RIMS2: variants seen among roughly 807,000 people sequenced by gnomAD.
RIMS2 encodes the protein regulating synaptic membrane exocytosis protein 2.
In RIMS2, 59 loss-of-function variants were observed where a neutral mutation model predicts 174.4. The observed-to-expected ratio is 0.34, with a 90% CI of 0.27 to 0.42. RIMS2 has a LOEUF of 0.42. Ranked by LOEUF, RIMS2 falls within the 10% of genes least tolerant of loss-of-function variation. RIMS2 has a pLI of 1.00. For synonymous variants in RIMS2, 606 were observed against 572.5 expected (o/e 1.06, Z -0.84); for missense variants, 1,620 against 1,666.3 (o/e 0.97, Z 0.48).
intron 19 of RIMS2, among the ~76,000 whole-genome samples, chr8:104,172,982 T>C (rs1464506071): frequency 6.6e-6 from 1 of 152,206 alleles, no homozygotes; most frequent in Non-Finnish European, 1.5e-5. Context: ...GGCTCCATTG[T>C]TGTGAAAGAG....
intron 1 of RIMS2, among the ~76,000 whole-genome samples, chr8:103,562,095 G>C (rs545476862): frequency 6.6e-6 from 1 of 152,162 alleles, no homozygotes; most frequent in Non-Finnish European, 1.5e-5. Context: ...TGAGATTTGG[G>C]TGAGGAAACA....
intron 19 of RIMS2, among the ~76,000 whole-genome samples, chr8:104,145,577 G>C (rs2098629608): frequency 6.6e-6 from 1 of 151,576 alleles, no homozygotes; most frequent in African/African-American, 2.4e-5. Flanking sequence ...TGTAATCCCA[G>C]CTCTTTGGGA....
At chr8:104,099,990 T>C (rs888417288) in intron 19 of RIMS2, among the ~76,000 whole-genome samples, 2 of 151,858 alleles carry the variant, frequency 1.3e-5, no homozygotes, top group Admixed American at 6.6e-5. Flanking sequence ...GCTAATTTTT[T>C]AAAAATTTTT....
At chr8:103,632,264 T>C (rs1030356646) in intron 1 of RIMS2, among the ~76,000 whole-genome samples, 15 of 152,338 alleles carry the variant, frequency 9.8e-5, no homozygotes, top group African/African-American at 3.6e-4. Flanking sequence ...TGTGGGTTTG[T>C]CATAGATGAC....
intron 19 of RIMS2, among the ~76,000 whole-genome samples, chr8:104,088,704 G>C (rs1224751375): frequency 6.6e-6 from 1 of 152,008 alleles, no homozygotes; most frequent in Non-Finnish European, 1.5e-5. Flanking sequence ...CAAACAACCA[G>C]AGTTCTTGAG....
intron 16 of RIMS2, chr8:103,977,508 A>G (rs2093552772): frequency 6.6e-6 from 1 of 152,230 alleles, no homozygotes; most frequent in Admixed American, 6.5e-5. Flanking sequence ...TCTACTCAAC[A>G]CAGAACACCT....
intron 1 of RIMS2, among the ~76,000 whole-genome samples, chr8:103,678,093 CTT>C (rs2096837657): frequency 6.6e-6 from 1 of 152,164 alleles, no homozygotes; most frequent in Non-Finnish European, 1.5e-5. Context: ...GTAGGCTAAA[CTT>C]AATTTAATAG....
chr8:104,215,726 C>T (rs1042426184), intron 19 of RIMS2, among the ~76,000 whole-genome samples: 3 of 152,160 alleles, frequency 2.0e-5, no homozygotes, highest in Non-Finnish European at 4.4e-5. Context: ...ATGAATTTAT[C>T]ACAAAGCTGG....
chr8:103,803,723 T>A (rs1046392390), intron 3 of RIMS2, among the ~76,000 whole-genome samples: 3 of 152,226 alleles, frequency 2.0e-5, no homozygotes, highest in Non-Finnish European at 4.4e-5. Flanking sequence ...ATTCTTCTGC[T>A]GGTTTAGAAG....
At chr8:103,622,116 G>A (rs527594698) in intron 1 of RIMS2, among the ~76,000 whole-genome samples, 2 of 152,138 alleles carry the variant, frequency 1.3e-5, no homozygotes, top group Admixed American at 6.5e-5. Flanking sequence ...AAAGAATAAG[G>A]TTATTACCCT....
At chr8:104,223,057 C>A (rs1168779928) in intron 19 of RIMS2, among the ~76,000 whole-genome samples, 3 of 152,160 alleles carry the variant, frequency 2.0e-5, no homozygotes, top group South Asian at 4.1e-4. Context: ...AACTGTGAAC[C>A]TGAGGAAAGG....
At chr8:103,787,233 A>G (rs2098452581) in intron 3 of RIMS2, among the ~76,000 whole-genome samples, 2 of 150,806 alleles carry the variant, frequency 1.3e-5, no homozygotes, top group African/African-American at 2.4e-5. Context: ...CCAATTTGCC[A>G]GTCTGTGTCT....
intron 19 of RIMS2, among the ~76,000 whole-genome samples, chr8:104,073,689 C>A (rs2097236878): frequency 1.3e-5 from 2 of 152,088 alleles, no homozygotes; most frequent in Admixed American, 1.3e-4. Flanking sequence ...GAACAGAGGA[C>A]AATGTAATAA....
At chr8:103,846,932 G>A (rs1304234615) in intron 3 of RIMS2, among the ~76,000 whole-genome samples, 1 of 152,066 alleles carries the variant, frequency 6.6e-6, no homozygotes, top group Non-Finnish European at 1.5e-5. Context: ...CGTGACTTGG[G>A]AATAACGAGT....
chr8:104,144,674 A>G (rs570591552), intron 19 of RIMS2, among the ~76,000 whole-genome samples: 58 of 152,270 alleles, frequency 3.8e-4, no homozygotes, highest in African/African-American at 1.3e-3. Flanking sequence ...TTGGCTACAT[A>G]CATTTATATT....
At chr8:103,731,994 G>T (rs1257766260) in intron 2 of RIMS2, among the ~76,000 whole-genome samples, 1 of 152,166 alleles carries the variant, frequency 6.6e-6, no homozygotes, top group Non-Finnish European at 1.5e-5. Flanking sequence ...GCTTGTTGAT[G>T]TTTGTTGATG....
At chr8:103,902,989 A>G (rs2073539194) in intron 4 of RIMS2, among the ~76,000 whole-genome samples, 1 of 152,150 alleles carries the variant, frequency 6.6e-6, no homozygotes, top group Non-Finnish European at 1.5e-5. Context: ...ACAAGTTGAA[A>G]AGGAGGACAG....
At chr8:104,088,575 G>T (rs954470725) in intron 19 of RIMS2, among the ~76,000 whole-genome samples, 57 of 152,004 alleles carry the variant, frequency 3.7e-4, no homozygotes, top group African/African-American at 1.3e-3. Context: ...CCAGTATTTT[G>T]CAATAATTAA....
chr8:103,575,611 A>G lies in RIMS2; in HGVS notation c.176+74549A>G, dbSNP rs1330732444. Among the ~76,000 whole-genome samples, 3 of 149,924 alleles carry G rather than the reference A, an allele frequency of 2.0e-5. No individual in the cohort carries two copies. In the South Asian group the frequency reaches 6.3e-4, roughly 31 times the overall value. On this transcript the variant is annotated intron_variant, in intron 1 of 23. Coordinates refer to ENST00000504942, the Ensembl canonical transcript of RIMS2. ...GCTGCACTCCCCCACCACAGGAAAT[A>G]TGTATTTATATAATATATATTTATG...
Sources: gnomAD v4.1 joint callset for allele counts (sites outside exome capture counted in the v4.1 genomes callset) on GRCh38, gnomAD v4.1.1 for gene constraint, MANE v1.5 for transcripts, NCBI Gene and HGNC (gene_info 2026-07-23, HGNC 2026-07-21) for gene names.